The following MAGI3 variants were observed in gnomAD, a reference collection of about 807,000 sequenced individuals.
The protein encoded by MAGI3 is membrane associated guanylate kinase, WW and PDZ domain containing 3, also known as membrane-associated guanylate kinase, WW and PDZ domain-containing protein 3.
A neutral mutation model predicts 121.8 loss-of-function variants in MAGI3; 43 were observed. That is an observed-to-expected ratio of 0.35 (90% CI 0.28 to 0.46). The LOEUF (loss-of-function observed/expected upper bound fraction) is 0.46, where lower values mean the gene tolerates loss of function less well. MAGI3 is among the 20% of genes least tolerant of loss of function. The pLI is 1.00. For synonymous variants in MAGI3, 553 were observed against 639.3 expected, an observed-to-expected ratio of 0.86 and a Z score of 2.04; for missense variants, 1,547 against 1,797.3, an observed-to-expected ratio of 0.86 and a Z score of 2.52.
chr1:113,639,426 A>T (rs959477255), intron 9 of MAGI3, among the ~76,000 whole-genome samples: 1 of 152,006 alleles, frequency 6.6e-6, no homozygotes, highest in African/African-American at 2.4e-5. Flanking sequence ...TTTGAGACCA[A>T]ATCTCACTCT....
chr1:113,481,477 G>A (rs561780771), intron 1 of MAGI3, among the ~76,000 whole-genome samples: 41 of 152,136 alleles, frequency 2.7e-4, no homozygotes, highest in Non-Finnish European at 4.9e-4. Flanking sequence ...TATAAAGCTT[G>A]TAGCTTTGAA....
At chr1:113,399,240 C>G (rs1651278414) in intron 1 of MAGI3, among the ~76,000 whole-genome samples, 1 of 152,128 alleles carries the variant, frequency 6.6e-6, no homozygotes, top group South Asian at 2.1e-4. Flanking sequence ...GACTTTGGCC[C>G]TGTGCCCATC....
intron 1 of MAGI3, among the ~76,000 whole-genome samples, chr1:113,511,125 G>T (rs1657595671): frequency 6.6e-6 from 1 of 152,156 alleles, no homozygotes; most frequent in African/African-American, 2.4e-5. Context: ...CAGTTGCAGG[G>T]TTTAAATACT....
At chr1:113,602,082 G>T (rs1649427088) in intron 6 of MAGI3, among the ~76,000 whole-genome samples, 1 of 113,324 alleles carries the variant, frequency 8.8e-6, no homozygotes, top group Non-Finnish European at 1.9e-5. Context: ...TGGGGTGGGG[G>T]GAGTGGGAAG....
intron 1 of MAGI3, among the ~76,000 whole-genome samples, chr1:113,464,265 G>C (rs1165233415): frequency 6.6e-6 from 1 of 151,860 alleles, no homozygotes; most frequent in Non-Finnish European, 1.5e-5. Context: ...GTCTTTTACT[G>C]CTTGGATTAT....
chr1:113,509,954 G>GC (rs1272939543), intron 1 of MAGI3, among the ~76,000 whole-genome samples: 1 of 151,714 alleles, frequency 6.6e-6, no homozygotes, highest in Non-Finnish European at 1.5e-5. Context: ...CCTCCCAGAA[G>GC]CCTCAGAGCA....
rs1161778440 is a variant in MAGI3, at chr1:113,642,138, G to T, written c.1588G>T (p.Asp530Tyr). 4 of 1,614,148 alleles carry T rather than the reference G, an allele frequency of 2.5e-6. No individual in the cohort carries two copies. The highest frequency in any genetic ancestry group is 3.4e-6 in the Non-Finnish European group (4 of 1,180,028). ...TKGETCMNPQ[D>Y]FKPGAMVLEQ... ...GGGAGAGACTTGCATGAATCCTCAG[G>T]ATTTTAAGCCAGGAGCAATGGTTCT... is the stretch of plus-strand genomic sequence containing the variant. Residue 530 changes from aspartate to tyrosine, a missense_variant, in exon 10 of 21, where the codon GAT becomes TAT. Transcript: ENST00000307546.
intron 1 of MAGI3, among the ~76,000 whole-genome samples, chr1:113,446,263 T>C (rs916892820): frequency 6.6e-6 from 1 of 152,212 alleles, no homozygotes; most frequent in African/African-American, 2.4e-5. Context: ...GGAGCTGTTA[T>C]GGGAGCAGAG....
intron 4 of MAGI3, among the ~76,000 whole-genome samples, chr1:113,590,269 G>A (rs557052453): frequency 6.6e-6 from 1 of 152,184 alleles, no homozygotes; most frequent in African/African-American, 2.4e-5. Context: ...TCCAAGACTA[G>A]CATCAGAGGT....
intron 1 of MAGI3, among the ~76,000 whole-genome samples, chr1:113,493,354 T>A (rs1482780804): frequency 6.6e-6 from 1 of 152,198 alleles, no homozygotes; most frequent in Non-Finnish European, 1.5e-5. Context: ...AAATTGAAAC[T>A]GGATGCCTTC....
chr1:113,602,910 A>G (rs114609651), intron 6 of MAGI3, among the ~76,000 whole-genome samples: 479 of 152,034 alleles, frequency 3.2e-3, no homozygotes, highest in Non-Finnish European at 4.1e-3. Flanking sequence ...TCTGCGAAAC[A>G]GAACGAGATT....
intron 1 of MAGI3, among the ~76,000 whole-genome samples, chr1:113,534,145 C>G (rs538962352): frequency 6.6e-6 from 1 of 152,162 alleles, no homozygotes; most frequent in South Asian, 2.1e-4. Flanking sequence ...TGCGCTGATT[C>G]TTCTAATGCT....
chr1:113,681,048 C>T, intron 19 of MAGI3, 150 bp from the exon 20 acceptor site: 3 of 761,190 alleles, frequency 3.9e-6, no homozygotes, highest in Non-Finnish European at 6.0e-6. Context: ...GTCCTCTCAT[C>T]AACTCTCACA....
chr1:113,428,251 C>T (rs1451061538), intron 1 of MAGI3, among the ~76,000 whole-genome samples: 1 of 152,224 alleles, frequency 6.6e-6, no homozygotes, highest in Non-Finnish European at 1.5e-5. Flanking sequence ...TTTCTTCTAA[C>T]AGCTTTATTG....
chr1:113,573,231 G>A (rs538007639), intron 2 of MAGI3, among the ~76,000 whole-genome samples: 5 of 151,960 alleles, frequency 3.3e-5, no homozygotes, highest in African/African-American at 9.6e-5. Flanking sequence ...AGCCCTGTTC[G>A]GCTAGCTTTT....
Position 113,516,117 on chromosome 1 carries a change from C to T in MAGI3, c.317-33398C>T, listed in dbSNP as rs114985670. Among the ~76,000 whole-genome samples, 313 of 152,092 alleles carry T rather than the reference C, an allele frequency of 2.1e-3. 4 individuals are homozygous for T. The highest frequency in any genetic ancestry group is 7.3e-3 in the African/African-American group (304 of 41,522). ...AGAAGAGTGAACTCATGTTTAACTT[C>T]ATGTAGGTACAGATGGGATATTTAT... On this transcript the variant is annotated intron_variant, in intron 1 of 20. Transcript: ENST00000307546.
intron 2 of MAGI3, among the ~76,000 whole-genome samples, chr1:113,563,277 G>GA (rs1660312970): frequency 6.6e-6 from 1 of 152,158 alleles, no homozygotes; most frequent in South Asian, 2.1e-4. Context: ...GAATCTGTCA[G>GA]AAAACTAGTC....
intron 19 of MAGI3, among the ~76,000 whole-genome samples, chr1:113,674,388 A>C (rs573472416): frequency 8.4e-6 from 1 of 119,722 alleles, no homozygotes; most frequent in East Asian, 5.5e-4. Flanking sequence ...GCAAAACTCC[A>C]TTTAAAAAAA....
chr1:113,435,569 CA>C (rs915092276), intron 1 of MAGI3, among the ~76,000 whole-genome samples: 1 of 152,114 alleles, frequency 6.6e-6, no homozygotes, highest in African/African-American at 2.4e-5. Context: ...GTCATAGTCA[CA>C]TCATTTATTT....
Sources: allele counts gnomAD v4.1 joint callset (sites outside exome capture counted in the v4.1 genomes callset), GRCh38; gene constraint gnomAD v4.1.1; transcripts MANE v1.5; gene names NCBI Gene and HGNC (gene_info 2026-07-23, HGNC 2026-07-21).